Variants in CPNE6 observed in about 807,000 individuals in gnomAD.
CPNE6 encodes the protein copine 6.
Under a neutral mutation model 71.5 loss-of-function variants are expected in CPNE6, and 33 were observed. That is an observed-to-expected ratio of 0.46 (90% CI 0.35 to 0.62). CPNE6 has a LOEUF of 0.62. CPNE6 is among the 20% of genes least tolerant of loss of function. The pLI is 0.00. For synonymous variants in CPNE6, 296 were observed against 293.0 expected, an observed-to-expected ratio of 1.01 and a Z score of -0.10; for missense variants, 576 against 747.3, an observed-to-expected ratio of 0.77 and a Z score of 2.67.
At chr14:24,076,977 C>T in exon 15 of CPNE6, 1 of 1,612,162 alleles carries the variant, frequency 6.2e-7, no homozygotes. Context: ...TGTGGCTGAG[C>T]CGGCCCAGCG....
chr14:24,071,267 TTC>T (rs2035887626), intron 1 of CPNE6: 7 of 1,254,162 alleles, frequency 5.6e-6, no homozygotes, highest in East Asian at 2.6e-5. Flanking sequence ...TCGCCATCAT[TTC>T]TCTGTTTGAA....
chr14:24,077,166 C>T lies in CPNE6; in HGVS notation c.1312C>T (p.Leu438=), dbSNP rs757200069. The T allele has an allele frequency of 2.5e-6, 4 of 1,604,320 alleles. No homozygotes were observed. The East Asian group carries it at 8.9e-5, about 36-fold the overall frequency. Residue 438 remains leucine (L), a synonymous_variant, in exon 16 of 18, where the codon CTG becomes TTG. Coordinates refer to ENST00000397016, the Ensembl canonical transcript of CPNE6. This position sits in a 1 kb window ranked among gnomAD's most constrained non-coding sequence, Gnocchi z 6.1. ...TGCTTGCCCTCAGAAGTACTCGGTG[C>T]TGCTGGTGCTCACTGACGGTGTGGT...
At position 24,075,125 on chromosome 14, in the gene CPNE6, C is replaced by T. The variant is rs756586826; in HGVS notation, c.673-47C>T. On this transcript the variant is annotated intron_variant, in intron 8 of 17. Transcript: ENST00000397016. The surrounding 1 kb of genome is among the most constrained non-coding windows in gnomAD (Gnocchi z 4.3). Reference sequence around the variant, plus strand: ...GAGTCCCCCTACTCACCGTGAATACCGCAGAGCATCTCCAACCTGACCCCA... The same window carrying T: ...GAGTCCCCCTACTCACCGTGAATACTGCAGAGCATCTCCAACCTGACCCCA... 1.7e-5 allele frequency: 23 copies of T among 1,377,486 alleles called. No individual in the cohort carries two copies. The highest frequency in any genetic ancestry group is 4.6e-5 in the South Asian group (4 of 86,212). The allele number at this position is 1,377,486 out of a possible 1,614,324, so 85.3% of individuals were successfully genotyped here.
rs1320934934 is a variant in CPNE6 at position 24,077,045 on chromosome 14, C to A, written c.1299+33C>A. 1 of 1,605,502 alleles carries A rather than the reference C, an allele frequency of 6.2e-7. No individual in the cohort carries two copies. ...GACATGGCGGGCAAACAGGAGCTGTCCCATGTGTCTTTAAGTGGTGCCAGG... is the reference window on the plus strand; with the variant it reads ...GACATGGCGGGCAAACAGGAGCTGTACCATGTGTCTTTAAGTGGTGCCAGG... On this transcript the variant is annotated intron_variant, in intron 15 of 17. Transcript: ENST00000397016. The surrounding 1 kb of genome is among the most constrained non-coding windows in gnomAD (Gnocchi z 6.1).
Position 24,075,467 on chromosome 14 carries a change from A to G in CPNE6, c.778-38A>G. 6.4e-7 allele frequency: 1 copy of G among 1,572,104 alleles called. No homozygotes were observed. Among genetic ancestry groups the G allele is most frequent in the East Asian group, 2.3e-5 (1 of 44,356 alleles). Reference sequence around the variant, plus strand: ...GGAAGGGAGAAAGAGGGGTCACCTGATGGACTTGTGACCCTGAGCTTGTGG... The same window carrying G: ...GGAAGGGAGAAAGAGGGGTCACCTGGTGGACTTGTGACCCTGAGCTTGTGG... On this transcript the variant is annotated intron_variant, in intron 9 of 17. Transcript: ENST00000397016. The surrounding 1 kb of genome is among the most constrained non-coding windows in gnomAD (Gnocchi z 4.3).
chr14:24,075,916 A>G lies in CPNE6; in HGVS notation c.924+30A>G. 1.2e-6 allele frequency: 2 copies of G among 1,612,292 alleles called. No homozygotes were observed. The highest frequency in any genetic ancestry group is 1.7e-6 in the Non-Finnish European group (2 of 1,178,444). ...AGACTCAGAGGGAGGGCACACAGGCAAGAGGGAGGGGCTGAGTCCATAGTG... is the reference window on the plus strand; with the variant it reads ...AGACTCAGAGGGAGGGCACACAGGCGAGAGGGAGGGGCTGAGTCCATAGTG... On this transcript the variant is annotated intron_variant, in intron 11 of 17. Coordinates refer to ENST00000397016, the Ensembl canonical transcript of CPNE6. This position sits in a 1 kb window ranked among gnomAD's most constrained non-coding sequence, Gnocchi z 4.3.
intron 14 of CPNE6, 36 bp from the exon 14 acceptor site, chr14:24,076,843 A>C: frequency 6.2e-7 from 1 of 1,609,782 alleles, no homozygotes; most frequent in Non-Finnish European, 8.5e-7. Flanking sequence ...GGCCCTGCTC[A>C]TTTCTGCCAG....
At chr14:24,076,248 C>T in exon 12 of CPNE6, 2 of 1,614,204 alleles carry the variant, frequency 1.2e-6, no homozygotes, top group Middle Eastern at 1.6e-4. Flanking sequence ...GCAGGCCCTG[C>T]GTGCAGTGGG....
At position 24,074,442 on chromosome 14, in the gene CPNE6, C is replaced by G; in HGVS notation, c.498+77C>G. ...CCACTCAAGACAGATCCCAGGAGCCCAGGCCTGCTCTCTTCCCAGTGGGAG... is the reference window on the plus strand; with the variant it reads ...CCACTCAAGACAGATCCCAGGAGCCGAGGCCTGCTCTCTTCCCAGTGGGAG... On this transcript the variant is annotated intron_variant, in intron 6 of 17. Coordinates refer to ENST00000397016, the Ensembl canonical transcript of CPNE6. The surrounding 1 kb of genome is among the most constrained non-coding windows in gnomAD (Gnocchi z 4.5). 3 of 1,575,030 alleles carry G rather than the reference C, an allele frequency of 1.9e-6. No homozygotes were observed. Among genetic ancestry groups the G allele is most frequent in the Non-Finnish European group, 2.6e-6 (3 of 1,151,600 alleles).
Position 24,074,298 on chromosome 14 carries a change from C to T in CPNE6, c.431C>T (p.Ala144Val), listed in dbSNP as rs1479456924. The T allele has an allele frequency of 6.3e-7, 1 of 1,578,900 alleles. No homozygotes were observed. ...CTTGTATCCCCCTTGCAGATCGTGG[C>T]CGAGGAGGTATCAGGCACAAACGAC... Residue 144 changes from alanine to valine, a missense_variant, in exon 6 of 18, where the codon GCC becomes GTC. Physicochemically the swap from Ala to Val is moderately conservative, Grantham distance 64. Transcript: ENST00000397016. The surrounding 1 kb of genome is among the most constrained non-coding windows in gnomAD (Gnocchi z 4.5).
chr14:24,071,779 C>T (rs974107525), intron 2 of CPNE6, 138 bp downstream of exon 1: 14 of 552,374 alleles, frequency 2.5e-5, no homozygotes, highest in African/African-American at 1.6e-4. Context: ...CTGCCTATCT[C>T]GGGGACCCCC....
Position 24,075,907 on chromosome 14 carries a change from C to T in CPNE6, c.924+21C>T. The T allele has an allele frequency of 1.9e-6, 3 of 1,613,450 alleles. No homozygotes were observed. Among genetic ancestry groups the T allele is most frequent in the Middle Eastern group, 1.7e-4 (1 of 6,060 alleles). On this transcript the variant is annotated intron_variant, in intron 11 of 17. Coordinates refer to ENST00000397016, the Ensembl canonical transcript of CPNE6. This position sits in a 1 kb window ranked among gnomAD's most constrained non-coding sequence, Gnocchi z 4.3. ...TCACGGTAAAGACTCAGAGGGAGGG[C>T]ACACAGGCAAGAGGGAGGGGCTGAG...
At chr14:24,071,839 C>T in intron 2 of CPNE6, 198 bp downstream of exon 1, 2 of 552,396 alleles carry the variant, frequency 3.6e-6, no homozygotes, top group South Asian at 5.0e-5. Context: ...CTCCCCCAGC[C>T]CAGACCCTCC....
At position 24,077,048 on chromosome 14, in the gene CPNE6, A is replaced by G; in HGVS notation, c.1299+36A>G. The G allele has an allele frequency of 1.2e-6, 2 of 1,605,038 alleles. No homozygotes were observed. Among genetic ancestry groups the G allele is most frequent in the Non-Finnish European group, 1.7e-6 (2 of 1,179,708 alleles). ...ATGGCGGGCAAACAGGAGCTGTCCCATGTGTCTTTAAGTGGTGCCAGGGCC... is the reference window on the plus strand; with the variant it reads ...ATGGCGGGCAAACAGGAGCTGTCCCGTGTGTCTTTAAGTGGTGCCAGGGCC... On this transcript the variant is annotated intron_variant, in intron 15 of 17. Transcript: ENST00000397016. This position sits in a 1 kb window ranked among gnomAD's most constrained non-coding sequence, Gnocchi z 6.1.
Position 24,074,454 on chromosome 14 carries a change from C to T in CPNE6, c.499-77C>T. 6.3e-7 allele frequency: 1 copy of T among 1,583,334 alleles called. No homozygotes were observed. Reference sequence around the variant, plus strand: ...GATCCCAGGAGCCCAGGCCTGCTCTCTTCCCAGTGGGAGCCCATCCCCCAC... The same window carrying T: ...GATCCCAGGAGCCCAGGCCTGCTCTTTTCCCAGTGGGAGCCCATCCCCCAC... On this transcript the variant is annotated intron_variant, in intron 6 of 17. Transcript: ENST00000397016. The surrounding 1 kb of genome is among the most constrained non-coding windows in gnomAD (Gnocchi z 4.5).
Position 24,075,355 on chromosome 14 carries a change from T to C in CPNE6, c.777+79T>C, listed in dbSNP as rs1270283733. 3.5e-6 allele frequency: 5 copies of C among 1,420,464 alleles called. No homozygotes were observed. The highest frequency in any genetic ancestry group is 5.0e-6 in the Non-Finnish European group (5 of 1,004,548). The allele number at this position is 1,420,464 out of a possible 1,614,324, so 88.0% of individuals were successfully genotyped here. A position where few individuals can be genotyped will look rare whatever the true frequency, so the allele number is the denominator to read the frequency against. ...GAGGGTGATGCTGAAGAGACCACCA[T>C]AGGTGATAGGAAGTGGAGAGGGTGG... On this transcript the variant is annotated intron_variant, in intron 9 of 17. Coordinates refer to ENST00000397016, the Ensembl canonical transcript of CPNE6. The surrounding 1 kb of genome is among the most constrained non-coding windows in gnomAD (Gnocchi z 4.3).
At chr14:24,076,660 A>T in intron 14 of CPNE6, 103 bp downstream of exon 13, 2 of 1,520,974 alleles carry the variant, frequency 1.3e-6, no homozygotes, top group South Asian at 2.3e-5. Flanking sequence ...CCTTCCACCC[A>T]TCCCAGGCCT....
chr14:24,075,743 C>T lies in CPNE6; in HGVS notation c.865-84C>T. 7.0e-7 allele frequency: 1 copy of T among 1,437,998 alleles called. No individual in the cohort carries two copies. Among genetic ancestry groups the T allele is most frequent in the East Asian group, 2.3e-5 (1 of 43,836 alleles). 89.1% of individuals were successfully genotyped at this position (1,437,998 alleles called of 1,614,324 possible). ...GCAACCCAAAAAACTCTGGCTCCCC[C>T]ATGTTCCCCACAGAAGCCCTACCCA... On this transcript the variant is annotated intron_variant, in intron 10 of 17. Transcript: ENST00000397016. This position sits in a 1 kb window ranked among gnomAD's most constrained non-coding sequence, Gnocchi z 4.3.
chr14:24,071,043 G>A (rs894578620), intron 1 of CPNE6: 1 of 1,535,116 alleles, frequency 6.5e-7, no homozygotes, highest in African/African-American at 1.4e-5. Context: ...GTTTGAGTGA[G>A]TACATGTGTG....
Sources: gnomAD v4.1 joint callset for allele counts on GRCh38, gnomAD v4.1.1 for gene constraint, Gnocchi (gnomAD v3.1) non-coding constraint, MANE v1.5 for transcripts, NCBI Gene and HGNC (gene_info 2026-07-23, HGNC 2026-07-21) for gene names.